The following VIT variants were observed in gnomAD, a reference collection of about 807,000 sequenced individuals.
VIT encodes the protein vitrin.
In VIT, 99 loss-of-function variants were observed where a neutral mutation model predicts 78.0. The observed-to-expected ratio is 1.27, with a 90% CI of 1.08 to 1.50. The LOEUF (loss-of-function observed/expected upper bound fraction) is 1.50, where lower values mean the gene tolerates loss of function less well. Ranked by LOEUF, VIT falls within the 40% of genes most tolerant of loss-of-function variation. VIT has a pLI of 0.00. For synonymous variants in VIT, 374 were observed against 334.3 expected (o/e 1.12, Z -1.29); for missense variants, 1,126 against 875.3 (o/e 1.29, Z -3.61).
At position 36,808,739 on chromosome 2, in the gene VIT, C is replaced by G; in HGVS notation, c.1657C>G (p.Gln553Glu). 6.2e-7 allele frequency: 1 copy of G among 1,614,202 alleles called. No homozygotes were observed. Among genetic ancestry groups the G allele is most frequent in the South Asian group, 1.1e-5 (1 of 91,078 alleles). ...SDTDTRIGAVQYTYEQRLEFG... is the reference protein window; with the variant it reads ...SDTDTRIGAVEYTYEQRLEFG... Reference sequence around the variant, plus strand: ...CACGGACACGCGCATCGGGGCCGTGCAGTACACCTACGAACAGCGGCTGGA... The same window carrying G: ...CACGGACACGCGCATCGGGGCCGTGGAGTACACCTACGAACAGCGGCTGGA... The change falls in exon 15 of 16, where the codon CAG becomes GAG. Residue 553 changes from glutamine (Q) to glutamate (E), a missense_variant. Physicochemically the swap from Gln to Glu is conservative, Grantham distance 29 (BLOSUM62 2). Coordinates refer to ENST00000379242, the MANE Select transcript of VIT (RefSeq NM_053276.4).
chr2:36,770,478 C>T (rs139872532), intron 7 of VIT, among the ~76,000 whole-genome samples: 14 of 152,236 alleles, frequency 9.2e-5, no homozygotes, highest in African/African-American at 1.4e-4. Context: ...ACACCAAAGC[C>T]GCATCATGGC....
chr2:36,759,151 C>G (rs566225779), intron 6 of VIT, 105 bp downstream of exon 6: 5 of 1,604,980 alleles, frequency 3.1e-6, no homozygotes, highest in Non-Finnish European at 4.3e-6. Context: ...TCAAGCTCCA[C>G]TGGCTCTGGC....
intron 5 of VIT, among the ~76,000 whole-genome samples, chr2:36,755,955 A>ATTTTTTTTTTTTTTTTTTTTT: frequency 9.2e-6 from 1 of 108,620 alleles, no homozygotes; most frequent in Non-Finnish European, 1.8e-5. Context: ...ACAACACAGT[A>ATTTTTTTTTTTTTTTTTTTTT]TTTTTTTTTT....
chr2:36,738,045 A>G (rs1201078732), intron 3 of VIT, among the ~76,000 whole-genome samples: 1 of 152,210 alleles, frequency 6.6e-6, no homozygotes, highest in Non-Finnish European at 1.5e-5. Flanking sequence ...ATTACGCTAG[A>G]AGAGTTACTT....
At chr2:36,717,334 A>ATG (rs70946944) in intron 2 of VIT, among the ~76,000 whole-genome samples, 757 of 64,090 alleles carry the variant, frequency 0.012, 9 homozygotes, top group Middle Eastern at 0.041. Context: ...CGCCTGGCTA[A>ATG]TGTGTGTGTG....
intron 12 of VIT, among the ~76,000 whole-genome samples, chr2:36,795,404 T>C (rs1444617510): frequency 2.0e-5 from 3 of 150,402 alleles, no homozygotes; most frequent in Non-Finnish European, 4.4e-5. Flanking sequence ...TTATATTTTA[T>C]TTATTTTATT....
chr2:36,772,039 T>C (rs942655022), intron 7 of VIT, among the ~76,000 whole-genome samples: 1 of 152,200 alleles, frequency 6.6e-6, no homozygotes, highest in Non-Finnish European at 1.5e-5. Context: ...TAAAAGGTGA[T>C]TGCTTACTAT....
chr2:36,777,528 C>T (rs542931966), intron 9 of VIT, among the ~76,000 whole-genome samples: 1 of 152,256 alleles, frequency 6.6e-6, no homozygotes, highest in South Asian at 2.1e-4. Flanking sequence ...CTCTAGTCCT[C>T]AATACTCTGC....
chr2:36,748,343 C>A (rs1668261546), intron 4 of VIT, among the ~76,000 whole-genome samples: 1 of 152,212 alleles, frequency 6.6e-6, no homozygotes, highest in Admixed American at 6.5e-5. Flanking sequence ...TACTCTCTCT[C>A]CTTCTCTCTC....
chr2:36,765,749 C>T (rs189126316), intron 6 of VIT, among the ~76,000 whole-genome samples: 88 of 152,378 alleles, frequency 5.8e-4, no homozygotes, highest in African/African-American at 2.0e-3. Flanking sequence ...AGAGGCAAGA[C>T]ACAGAGTCTA....
At chr2:36,775,914 G>T (rs1670020599) in intron 9 of VIT, among the ~76,000 whole-genome samples, 1 of 152,172 alleles carries the variant, frequency 6.6e-6, no homozygotes, top group African/African-American at 2.4e-5. Context: ...AACATTTGGA[G>T]TTCTTAGATA....
At chr2:36,785,708 G>T (rs969603835) in intron 11 of VIT, among the ~76,000 whole-genome samples, 2 of 152,148 alleles carry the variant, frequency 1.3e-5, no homozygotes, top group African/African-American at 2.4e-5. Flanking sequence ...GTACAAACAG[G>T]TGCCCTGATT....
intron 6 of VIT, among the ~76,000 whole-genome samples, chr2:36,759,933 T>G (rs1669003557): frequency 2.0e-5 from 3 of 152,086 alleles, no homozygotes; most frequent in African/African-American, 7.2e-5. Context: ...AGAAGTTAAG[T>G]AAATTAACTT....
chr2:36,763,418 T>C (rs887321534), intron 6 of VIT, among the ~76,000 whole-genome samples: 8 of 152,188 alleles, frequency 5.3e-5, no homozygotes, highest in African/African-American at 1.7e-4. Context: ...CAAAACTTTA[T>C]GTAGCTGAGA....
chr2:36,765,414 C>CGTGAGA (rs1553372913), intron 6 of VIT, among the ~76,000 whole-genome samples: 1 of 6,450 alleles, frequency 1.6e-4, no homozygotes, highest in South Asian at 0.018. Context: ...TGGCAGCAGG[C>CGTGAGA]GAGAGAGAGA....
rs367614920 is a variant in VIT, at chr2:36,736,600, T to C, written c.119-6500T>C. Among the ~76,000 whole-genome samples the C allele has an allele frequency of 1.9e-4, 29 of 152,300 alleles. 1 individual carries two copies. The highest frequency in any genetic ancestry group is 7.0e-4 in the African/African-American group (29 of 41,578). On this transcript the variant is annotated intron_variant, in intron 3 of 15. Coordinates refer to ENST00000379242, the MANE Select transcript of VIT (RefSeq NM_053276.4). ...GATCACATTATGCAGATGGGAGCCA[T>C]TGATGATTCCATGCAACGTGTTACT...
At chr2:36,740,005 T>C (rs1387156462) in intron 3 of VIT, among the ~76,000 whole-genome samples, 1 of 152,244 alleles carries the variant, frequency 6.6e-6, no homozygotes, top group African/African-American at 2.4e-5. Flanking sequence ...GGACACAGCA[T>C]TCCCCTCTGA....
At chr2:36,783,660 CAAGG>C (rs1274039344) in intron 11 of VIT, among the ~76,000 whole-genome samples, 1 of 152,018 alleles carries the variant, frequency 6.6e-6, no homozygotes, top group Admixed American at 6.6e-5. Flanking sequence ...AACGGAAAGA[CAAGG>C]AAGGATGAAA....
intron 3 of VIT, among the ~76,000 whole-genome samples, chr2:36,730,050 C>T (rs781171887): frequency 1.3e-5 from 2 of 152,124 alleles, no homozygotes; most frequent in Non-Finnish European, 2.9e-5. Context: ...AATCCCAGCA[C>T]TTTGAGAGGC....
Sources: gnomAD v4.1 joint callset for allele counts (sites outside exome capture counted in the v4.1 genomes callset) on GRCh38, gnomAD v4.1.1 for gene constraint, MANE v1.5 for transcripts, NCBI Gene and HGNC (gene_info 2026-07-23, HGNC 2026-07-21) for gene names.